Variants in ADCY8 observed in about 807,000 individuals in gnomAD.
The protein encoded by ADCY8 is adenylate cyclase type 8.
A neutral mutation model predicts 119.7 loss-of-function variants in ADCY8; 51 were observed. That is an observed-to-expected ratio of 0.43 (90% CI 0.34 to 0.54). The LOEUF is 0.54. Among genes scored for constraint, ADCY8 ranks in the 20% least tolerant of loss-of-function variants. ADCY8 has a pLI of 0.03. For missense variants in ADCY8, 1,383 were observed against 1,598.8 expected (o/e 0.87, Z 2.30); for synonymous variants, 665 against 651.0 (o/e 1.02, Z -0.33).
chr8:130,883,155 A>C (rs1818843195), intron 8 of ADCY8, among the ~76,000 whole-genome samples: 1 of 152,224 alleles, frequency 6.6e-6, no homozygotes, highest in Non-Finnish European at 1.5e-5. Flanking sequence ...TTAGGTTATT[A>C]GTGAAGCAAG....
At chr8:131,038,303 C>T (rs749429547) in intron 1 of ADCY8, among the ~76,000 whole-genome samples, 3 of 152,148 alleles carry the variant, frequency 2.0e-5, no homozygotes, top group Non-Finnish European at 4.4e-5. Flanking sequence ...CAGAGGCTAA[C>T]GACAGAGCAG....
At chr8:130,857,741 T>C (rs1244156224) in intron 9 of ADCY8, among the ~76,000 whole-genome samples, 1 of 152,216 alleles carries the variant, frequency 6.6e-6, no homozygotes, top group Non-Finnish European at 1.5e-5. Flanking sequence ...TGGGTTGGAA[T>C]ATGATGATAT....
intron 1 of ADCY8, among the ~76,000 whole-genome samples, chr8:130,999,097 C>A (rs1022860410): frequency 1.3e-5 from 2 of 152,124 alleles, no homozygotes; most frequent in African/African-American, 4.8e-5. Context: ...TGAACTCCCC[C>A]AGGGCAGAGC....
rs145894171 is a variant in ADCY8 at position 131,008,449 on chromosome 8, T to G, written c.961-17907A>C. 4.8e-3 allele frequency among the ~76,000 whole-genome samples: 724 copies of G among 152,324 alleles called. 3 individuals carry two copies. Among genetic ancestry groups the G allele is most frequent in the African/African-American group, 0.017 (700 of 41,570 alleles). ...CGTCTGGCATGTCCCCTGCTGGCAC[T>G]CATTCTCTCTTCTGCTGCCCTGTGA... is the stretch of plus-strand genomic sequence containing the variant. On this transcript the variant is annotated intron_variant, in intron 1 of 17. Transcript: ENST00000286355.
intron 7 of ADCY8, among the ~76,000 whole-genome samples, chr8:130,897,582 C>T (rs556967320): frequency 1.5e-5 from 2 of 132,280 alleles, no homozygotes; most frequent in African/African-American, 5.7e-5. Flanking sequence ...CAAAATTTAG[C>T]TGGAGCAGAA....
intron 7 of ADCY8, among the ~76,000 whole-genome samples, chr8:130,888,968 G>T (rs1470779845): frequency 6.6e-6 from 1 of 152,154 alleles, no homozygotes; most frequent in East Asian, 1.9e-4. Flanking sequence ...CAGTTTTGTT[G>T]AGTCAAAACC....
chr8:130,823,135 G>A (rs1374000173), intron 12 of ADCY8, among the ~76,000 whole-genome samples: 1 of 152,154 alleles, frequency 6.6e-6, no homozygotes, highest in Admixed American at 6.5e-5. Context: ...TTTATCATTT[G>A]AAACACATTT....
intron 1 of ADCY8, among the ~76,000 whole-genome samples, chr8:131,039,153 T>C (rs1175165121): frequency 6.6e-6 from 1 of 151,988 alleles, no homozygotes; most frequent in Non-Finnish European, 1.5e-5. Flanking sequence ...AGAATCAGAG[T>C]AGAAGGGTAG....
At chr8:130,958,056 A>G (rs1563745062) in intron 2 of ADCY8, among the ~76,000 whole-genome samples, 1 of 152,190 alleles carries the variant, frequency 6.6e-6, no homozygotes, top group African/African-American at 2.4e-5. Flanking sequence ...ACCGTCCTCC[A>G]GACCCCAGAA....
intron 15 of ADCY8, among the ~76,000 whole-genome samples, chr8:130,797,300 T>C (rs1187910542): frequency 6.6e-6 from 1 of 152,172 alleles, no homozygotes; most frequent in Non-Finnish European, 1.5e-5. Context: ...CCCAAGACAA[T>C]TCTTCTTTCA....
At chr8:131,001,622 T>A (rs190478312) in intron 1 of ADCY8, among the ~76,000 whole-genome samples, 21 of 148,450 alleles carry the variant, frequency 1.4e-4, no homozygotes, top group Middle Eastern at 7.1e-3. Flanking sequence ...ATATTTTATA[T>A]ATATACATTA....
At chr8:130,849,578 G>T (rs759814228) in intron 10 of ADCY8, 24 bp downstream of exon 10, 37 of 1,610,458 alleles carry the variant, frequency 2.3e-5, no homozygotes, top group Non-Finnish European at 2.7e-5. Flanking sequence ...GACACCAGAG[G>T]GTTGGTGGAT....
intron 1 of ADCY8, among the ~76,000 whole-genome samples, chr8:131,023,557 C>T (rs1823738900): frequency 6.6e-6 from 1 of 152,098 alleles, no homozygotes. Flanking sequence ...AGTGCTTAGT[C>T]TAGTTTGAAA....
intron 1 of ADCY8, among the ~76,000 whole-genome samples, chr8:131,018,840 A>AT (rs1823561353): frequency 6.6e-6 from 1 of 152,166 alleles, no homozygotes; most frequent in Non-Finnish European, 1.5e-5. Context: ...TTTGAGAGGA[A>AT]ATATAGGAGT....
At chr8:130,862,569 C>T (rs886913606) in intron 9 of ADCY8, among the ~76,000 whole-genome samples, 8 of 152,138 alleles carry the variant, frequency 5.3e-5, no homozygotes. Context: ...CCGGCCACCA[C>T]GCCTGGCTAA....
At chr8:130,799,164 G>C (rs1357551903) in intron 15 of ADCY8, among the ~76,000 whole-genome samples, 1 of 152,120 alleles carries the variant, frequency 6.6e-6, no homozygotes, top group Non-Finnish European at 1.5e-5. Flanking sequence ...ATTAGTTAAA[G>C]GGTATAAAGT....
intron 5 of ADCY8, among the ~76,000 whole-genome samples, chr8:130,918,102 C>A (rs1157920620): frequency 6.6e-6 from 1 of 152,180 alleles, no homozygotes. Context: ...GATAAATATT[C>A]TTATGATTCT....
chr8:130,926,100 G>A (rs1180473983), intron 5 of ADCY8, among the ~76,000 whole-genome samples: 1 of 152,110 alleles, frequency 6.6e-6, no homozygotes, highest in Admixed American at 6.6e-5. Context: ...ATTTAGAATT[G>A]TGGTAATCAC....
intron 2 of ADCY8, among the ~76,000 whole-genome samples, chr8:130,984,712 C>A (rs531378473): frequency 2.0e-5 from 3 of 151,922 alleles, no homozygotes; most frequent in Admixed American, 1.3e-4. Flanking sequence ...AAAATAGCAC[C>A]CACAGTGATA....
Sources: allele counts gnomAD v4.1 joint callset (sites outside exome capture counted in the v4.1 genomes callset), GRCh38; gene constraint gnomAD v4.1.1; transcripts MANE v1.5; gene names NCBI Gene and HGNC (gene_info 2026-07-23, HGNC 2026-07-21).